The following LMBR1 variants were observed in gnomAD, a reference collection of about 807,000 sequenced individuals.
LMBR1 encodes limb region 1 protein homolog.
Under a neutral mutation model 73.9 loss-of-function variants are expected in LMBR1, and 52 were observed. That is an observed-to-expected ratio of 0.70 (90% CI 0.56 to 0.89). LMBR1 has a LOEUF of 0.89. Among genes scored for constraint, LMBR1 ranks in the 40% least tolerant of loss-of-function variants. LMBR1 has a pLI of 0.00. For missense variants in LMBR1, 539 were observed against 579.8 expected (o/e 0.93, Z 0.72); for synonymous variants, 215 against 209.4 (o/e 1.03, Z -0.23).
At chr7:156,786,979 G>A (rs1828217609) in intron 5 of LMBR1, among the ~76,000 whole-genome samples, 1 of 151,936 alleles carries the variant, frequency 6.6e-6, no homozygotes, top group Admixed American at 6.6e-5. Flanking sequence ...CTTGGCTTAG[G>A]ATTTTCCAAC....
At chr7:156,833,859 A>C (rs1837134383) in intron 2 of LMBR1, 67 bp from the exon 3 acceptor site, 9 of 1,011,658 alleles carry the variant, frequency 8.9e-6, no homozygotes, top group African/African-American at 1.6e-5. Flanking sequence ...AATTTATTAA[A>C]ACTATAAACA....
intron 2 of LMBR1, among the ~76,000 whole-genome samples, chr7:156,835,969 T>A (rs1384337811): frequency 6.6e-6 from 1 of 152,246 alleles, no homozygotes; most frequent in Non-Finnish European, 1.5e-5. Context: ...TGAATTTTTT[T>A]AAATAGCTAC....
chr7:156,863,386 C>G (rs1284023855), intron 1 of LMBR1, among the ~76,000 whole-genome samples: 1 of 151,856 alleles, frequency 6.6e-6, no homozygotes, highest in Non-Finnish European at 1.5e-5. Context: ...ATGATGGCAG[C>G]TGATTAGATG....
chr7:156,697,375 A>G (rs946479894), intron 15 of LMBR1, among the ~76,000 whole-genome samples: 5 of 152,184 alleles, frequency 3.3e-5, no homozygotes, highest in Non-Finnish European at 7.3e-5. Flanking sequence ...AACAGAAAAC[A>G]GGGTTCGAGA....
intron 10 of LMBR1, among the ~76,000 whole-genome samples, chr7:156,733,051 G>A (rs1055064786): frequency 6.6e-5 from 10 of 152,122 alleles, no homozygotes; most frequent in African/African-American, 2.2e-4. Flanking sequence ...AGGCTGAAGT[G>A]GGAGGATCAC....
At chr7:156,832,652 T>G (rs1020171354) in intron 3 of LMBR1, among the ~76,000 whole-genome samples, 1 of 152,240 alleles carries the variant, frequency 6.6e-6, no homozygotes, top group African/African-American at 2.4e-5. Context: ...CCATTGTATG[T>G]AGAAGCATTT....
chr7:156,734,156 A>C (rs765997053), intron 10 of LMBR1, 21 bp downstream of exon 10: 1 of 1,512,580 alleles, frequency 6.6e-7, no homozygotes, highest in Non-Finnish European at 9.0e-7. Context: ...TACACAAGTC[A>C]AGAAAAAAAA....
At position 156,683,746 on chromosome 7, in the gene LMBR1, T is replaced by G. The variant is rs2131842606; in HGVS notation, c.*332A>C. On this transcript the variant is annotated 3_prime_UTR_variant, in exon 17 of 17. Coordinates refer to ENST00000353442, the MANE Select transcript of LMBR1 (RefSeq NM_022458.4). Reference sequence around the variant, plus strand: ...CTTTAGAAGTCCCGGAGTTTGCCTTTTCTAACATTTTCATATCAGGTGAAA... The same window carrying G: ...CTTTAGAAGTCCCGGAGTTTGCCTTGTCTAACATTTTCATATCAGGTGAAA... 4.9e-6 allele frequency: 1 copy of G among 203,502 alleles called. No individual in the cohort carries two copies. The highest frequency in any genetic ancestry group is 1.7e-3 in the Middle Eastern group (1 of 582). 12.6% of individuals were successfully genotyped at this position (203,502 alleles called of 1,614,324 possible).
intron 10 of LMBR1, among the ~76,000 whole-genome samples, chr7:156,730,378 A>G (rs768165033): frequency 6.6e-6 from 1 of 152,250 alleles, no homozygotes; most frequent in Non-Finnish European, 1.5e-5. Context: ...GTCATAGTCA[A>G]TAACTAATGA....
At chr7:156,778,582 T>C (rs561266351) in intron 5 of LMBR1, among the ~76,000 whole-genome samples, 1 of 152,330 alleles carries the variant, frequency 6.6e-6, no homozygotes, top group South Asian at 2.1e-4. Context: ...TTCAAAAACT[T>C]TGAGCTAGAG....
At chr7:156,826,487 T>C in intron 4 of LMBR1, 118 bp downstream of exon 4, 1 of 598,744 alleles carries the variant, frequency 1.7e-6, no homozygotes, top group Non-Finnish European at 2.6e-6. Context: ...AAGACCCAAA[T>C]CGTTTACTGG....
At chr7:156,735,391 C>G (rs531094884) in intron 9 of LMBR1, among the ~76,000 whole-genome samples, 7 of 151,980 alleles carry the variant, frequency 4.6e-5, no homozygotes, top group Non-Finnish European at 1.0e-4. Flanking sequence ...TATTTCTATG[C>G]ATTTATCACC....
At chr7:156,752,435 G>C (rs143989341) in intron 9 of LMBR1, among the ~76,000 whole-genome samples, 1 of 152,336 alleles carries the variant, frequency 6.6e-6, no homozygotes, top group East Asian at 1.9e-4. Flanking sequence ...CAGAGACAGA[G>C]AGTCAGAAAG....
At chr7:156,671,539 T>C (rs1230845702) in intron 4 of LMBR1, among the ~76,000 whole-genome samples, 1 of 152,210 alleles carries the variant, frequency 6.6e-6, no homozygotes, top group Non-Finnish European at 1.5e-5. Context: ...ACCATACGCT[T>C]GTCCATGATG....
intron 1 of LMBR1, among the ~76,000 whole-genome samples, chr7:156,841,918 G>A (rs903486067): frequency 6.6e-6 from 1 of 151,544 alleles, no homozygotes; most frequent in African/African-American, 2.4e-5. Flanking sequence ...TAATCCAGTA[G>A]AGAGAAAAAT....
chr7:156,733,397 A>G (rs926287604), intron 10 of LMBR1, among the ~76,000 whole-genome samples: 1 of 152,178 alleles, frequency 6.6e-6, no homozygotes, highest in Non-Finnish European at 1.5e-5. Flanking sequence ...TATATTCTAT[A>G]TTTTCACAAA....
intron 1 of LMBR1, among the ~76,000 whole-genome samples, chr7:156,885,079 GGTGGCTCATGCCT>G (rs1486347189): frequency 2.6e-5 from 4 of 152,186 alleles, no homozygotes; most frequent in African/African-American, 9.7e-5. Context: ...GGCTGGGCAC[GGTGGCTCATGCCT>G]GTAATCCCAG....
intron 1 of LMBR1, among the ~76,000 whole-genome samples, chr7:156,849,961 C>A (rs927376441): frequency 2.0e-5 from 3 of 152,194 alleles, no homozygotes; most frequent in Non-Finnish European, 4.4e-5. Context: ...TCATTACCTT[C>A]ACCCAATTTT....
At chr7:156,722,992 A>G (rs1814930646) in intron 15 of LMBR1, among the ~76,000 whole-genome samples, 1 of 152,108 alleles carries the variant, frequency 6.6e-6, no homozygotes, top group South Asian at 2.1e-4. Flanking sequence ...ATTTAACATC[A>G]AATCAGGTTG....
Sources: allele counts gnomAD v4.1 joint callset (sites outside exome capture counted in the v4.1 genomes callset), GRCh38; gene constraint gnomAD v4.1.1; transcripts MANE v1.5; gene names NCBI Gene and HGNC (gene_info 2026-07-23, HGNC 2026-07-21).